Variants in QRICH1 observed in about 807,000 individuals in gnomAD.
QRICH1 encodes the protein glutamine rich 1.
A neutral mutation model predicts 87.1 loss-of-function variants in QRICH1; 16 were observed. The observed-to-expected ratio is 0.18, with a 90% CI of 0.12 to 0.28. The LOEUF (loss-of-function observed/expected upper bound fraction) is 0.28. Ranked by LOEUF, QRICH1 falls within the 10% of genes least tolerant of loss-of-function variation. The pLI is 1.00. For synonymous variants in QRICH1, 367 were observed against 368.4 expected, an observed-to-expected ratio of 1.00 and a Z score of 0.05; for missense variants, 647 against 951.7, an observed-to-expected ratio of 0.68 and a Z score of 4.21.
At chr3:49,051,661 T>C (rs1399824223) in intron 3 of QRICH1, among the ~76,000 whole-genome samples, 3 of 127,512 alleles carry the variant, frequency 2.4e-5, no homozygotes, top group African/African-American at 8.9e-5. Context: ...CACCTCAAAC[T>C]AACATCTACA....
At chr3:49,055,017 C>T (rs570821638) in intron 3 of QRICH1, among the ~76,000 whole-genome samples, 2 of 152,248 alleles carry the variant, frequency 1.3e-5, no homozygotes, top group South Asian at 4.1e-4. Flanking sequence ...AATTATTCTG[C>T]CTTATAAATA....
Position 49,056,807 on chromosome 3 carries a change from T to C in QRICH1, c.1338+55A>G, listed in dbSNP as rs749227164. Reference sequence around the variant, plus strand: ...AGAGGTTGCGAGGCAAGCTCTGTGCTGCACTGGGCCCTGAGGGACCAGGCT... The same window carrying C: ...AGAGGTTGCGAGGCAAGCTCTGTGCCGCACTGGGCCCTGAGGGACCAGGCT... On this transcript the variant is annotated intron_variant, in intron 3 of 9. Coordinates refer to ENST00000395443, the MANE Select transcript of QRICH1 (RefSeq NM_198880.3). 9.9e-6 allele frequency: 16 copies of C among 1,613,234 alleles called. 1 individual carries two copies. In the Middle Eastern group the frequency reaches 5.0e-4, roughly 50 times the overall value.
chr3:49,065,504 T>C (rs1001833630), intron 2 of QRICH1, among the ~76,000 whole-genome samples: 2 of 152,192 alleles, frequency 1.3e-5, no homozygotes, highest in Admixed American at 1.3e-4. Flanking sequence ...TTCTCCTATC[T>C]GCTTCCGCAC....
At chr3:49,030,991 C>CTTTT (rs1162254467) in intron 9 of QRICH1, among the ~76,000 whole-genome samples, 4 of 132,452 alleles carry the variant, frequency 3.0e-5, no homozygotes, top group Non-Finnish European at 3.2e-5. Context: ...AGTCTTTGCG[C>CTTTT]TTTTTTTTTT....
intron 1 of QRICH1, among the ~76,000 whole-genome samples, chr3:49,078,064 A>C (rs1368560271): frequency 6.6e-6 from 1 of 152,196 alleles, no homozygotes; most frequent in Non-Finnish European, 1.5e-5. Context: ...CCTCCAGAAC[A>C]AAAGTAGCAG....
intron 1 of QRICH1, among the ~76,000 whole-genome samples, chr3:49,083,770 A>G (rs985697760): frequency 8.6e-5 from 13 of 151,714 alleles, no homozygotes; most frequent in Non-Finnish European, 1.8e-4. Flanking sequence ...TCCATCTCAA[A>G]AAAAAAAAAT....
intron 6 of QRICH1, among the ~76,000 whole-genome samples, chr3:49,034,052 T>A (rs2093259293): frequency 6.7e-6 from 1 of 149,486 alleles, no homozygotes; most frequent in Non-Finnish European, 1.5e-5. Flanking sequence ...CTTCTCTAGA[T>A]AAAGAGACTG....
At chr3:49,072,035 C>T (rs1559947883) in intron 2 of QRICH1, among the ~76,000 whole-genome samples, 1 of 151,204 alleles carries the variant, frequency 6.6e-6, no homozygotes, top group South Asian at 2.2e-4. Flanking sequence ...TTCTTCCTTA[C>T]AAAGACAAAA....
At chr3:49,054,073 G>A (rs2093387302) in intron 3 of QRICH1, among the ~76,000 whole-genome samples, 1 of 152,038 alleles carries the variant, frequency 6.6e-6, no homozygotes, top group Admixed American at 6.6e-5. Context: ...TTCTATTTCT[G>A]GTAATAATAA....
chr3:49,048,709 A>G (rs2093352748), intron 3 of QRICH1, among the ~76,000 whole-genome samples: 1 of 145,538 alleles, frequency 6.9e-6, no homozygotes, highest in South Asian at 2.3e-4. Flanking sequence ...AATGGCATGA[A>G]TCCAGGAGGC....
chr3:49,074,694 T>C (rs1180245648), intron 2 of QRICH1, among the ~76,000 whole-genome samples: 2 of 151,226 alleles, frequency 1.3e-5, no homozygotes, highest in African/African-American at 4.9e-5. Context: ...GATCAAATAT[T>C]TGGGCCAGGC....
At chr3:49,083,873 C>T (rs1189560940) in intron 1 of QRICH1, among the ~76,000 whole-genome samples, 1 of 150,928 alleles carries the variant, frequency 6.6e-6, no homozygotes, top group Non-Finnish European at 1.5e-5. Flanking sequence ...AATCTTGGCT[C>T]ACTGCAACCT....
intron 2 of QRICH1, among the ~76,000 whole-genome samples, chr3:49,065,720 G>A (rs941382642): frequency 1.3e-5 from 2 of 150,032 alleles, no homozygotes; most frequent in African/African-American, 2.5e-5. Flanking sequence ...TCCCTCTGTC[G>A]TCCAGGCTGG....
intron 1 of QRICH1, among the ~76,000 whole-genome samples, chr3:49,087,818 CAAAAAAA>C (rs58022360): frequency 2.1e-4 from 10 of 47,686 alleles, no homozygotes; most frequent in East Asian, 1.0e-3. Flanking sequence ...AGGTTCATCT[CAAAAAAA>C]AAAAAAAAAA....
chr3:49,033,019 A>G, intron 7 of QRICH1, 101 bp downstream of exon 7: 1 of 1,049,220 alleles, frequency 9.5e-7, no homozygotes, highest in Non-Finnish European at 1.3e-6. Context: ...TCAGTAGCCC[A>G]GTTTCTCAAA....
chr3:49,085,914 C>A (rs1428641980), intron 1 of QRICH1, among the ~76,000 whole-genome samples: 2 of 151,964 alleles, frequency 1.3e-5, no homozygotes, highest in African/African-American at 2.4e-5. Flanking sequence ...ACAAAAGATT[C>A]TTAATTAGCT....
At chr3:49,064,479 A>C (rs1463307560) in intron 2 of QRICH1, among the ~76,000 whole-genome samples, 1 of 150,352 alleles carries the variant, frequency 6.7e-6, no homozygotes, top group Admixed American at 6.6e-5. Context: ...TCTTGAACTC[A>C]TATCCTCAAG....
Position 49,047,160 on chromosome 3 carries a change from T to C in QRICH1, c.1425A>G (p.Pro475=), listed in dbSNP as rs151249161. The C allele has an allele frequency of 4.1e-5, 66 of 1,614,202 alleles. No individual in the cohort carries two copies. Among genetic ancestry groups the C allele is most frequent in the Non-Finnish European group, 5.6e-5 (66 of 1,180,040 alleles). Residue 475 remains proline (P), a synonymous_variant, in exon 4 of 10, where the codon CCA becomes CCG. Transcript: ENST00000395443. ...TTTTCCATACTTCAAGCCCTTCTTC[T>C]GGCTTCAAAGAATTTGGAAGCAGAA... ...PELLLPNSLK[P]EEGLEVWKNW...
intron 6 of QRICH1, among the ~76,000 whole-genome samples, chr3:49,037,304 A>G (rs1218078586): frequency 2.0e-5 from 3 of 152,226 alleles, no homozygotes; most frequent in Non-Finnish European, 4.4e-5. Flanking sequence ...TTGTAGATAC[A>G]TGGGGAAAAA....
Sources: gnomAD v4.1 joint callset for allele counts (sites outside exome capture counted in the v4.1 genomes callset) on GRCh38, gnomAD v4.1.1 for gene constraint, MANE v1.5 for transcripts, NCBI Gene and HGNC (gene_info 2026-07-23, HGNC 2026-07-21) for gene names.